B3GAT2: variants seen among roughly 807,000 people sequenced by gnomAD.
B3GAT2 encodes galactosylgalactosylxylosylprotein 3-beta-glucuronosyltransferase 2.
A neutral mutation model predicts 27.8 loss-of-function variants in B3GAT2; 26 were observed. The ratio of observed to expected loss-of-function variants is 0.93; its 90% confidence interval spans 0.68 to 1.30. The LOEUF (loss-of-function observed/expected upper bound fraction) is 1.30. B3GAT2 is among the 50% of genes most tolerant of loss of function. B3GAT2 has a pLI of 0.00. For missense variants in B3GAT2, 458 were observed against 459.0 expected, an observed-to-expected ratio of 1.00 and a Z score of 0.02; for synonymous variants, 218 against 195.1, an observed-to-expected ratio of 1.12 and a Z score of -0.98.
intron 1 of B3GAT2, among the ~76,000 whole-genome samples, chr6:70,950,070 G>T (rs1413543927): frequency 1.3e-5 from 2 of 151,740 alleles, no homozygotes; most frequent in African/African-American, 4.8e-5. Context: ...GGGGGTTGGG[G>T]GGAGGGAGAG....
At chr6:70,866,624 G>A (rs1313215431) in intron 2 of B3GAT2, among the ~76,000 whole-genome samples, 2 of 152,052 alleles carry the variant, frequency 1.3e-5, no homozygotes, top group African/African-American at 4.8e-5. Flanking sequence ...AACACATAAT[G>A]ATAGAAACTA....
chr6:70,933,776 G>C (rs949675630), intron 1 of B3GAT2, among the ~76,000 whole-genome samples: 3 of 152,208 alleles, frequency 2.0e-5, no homozygotes, highest in Admixed American at 2.0e-4. Context: ...TACAGCCACA[G>C]TAGCTAGGTG....
chr6:70,890,178 T>C (rs780383141), intron 2 of B3GAT2, among the ~76,000 whole-genome samples: 6 of 152,106 alleles, frequency 3.9e-5, no homozygotes, highest in Non-Finnish European at 7.4e-5. Context: ...ACGGAATTCA[T>C]CATTCATCCA....
Position 70,865,284 on chromosome 6 carries a change from A to G in B3GAT2, c.737-3306T>C, listed in dbSNP as rs570769147. On this transcript the variant is annotated intron_variant, in intron 2 of 3. Transcript: ENST00000230053. The stretch of plus-strand genomic sequence containing the variant: ...TGGGACTACAGACGTGGGCCTGGCT[A>G]ATTTTGTATTTTTAGCAGAGACGGG... Among the ~76,000 whole-genome samples the G allele has an allele frequency of 3.9e-5, 6 of 151,986 alleles. No homozygotes were observed. In the South Asian group the frequency reaches 1.0e-3, roughly 26 times the overall value.
intron 2 of B3GAT2, among the ~76,000 whole-genome samples, chr6:70,870,525 AAAACTT>A (rs1771917056): frequency 6.6e-6 from 1 of 152,048 alleles, no homozygotes; most frequent in South Asian, 2.1e-4. Context: ...CATGTACCCT[AAAACTT>A]AAAGTATAAT....
intron 1 of B3GAT2, among the ~76,000 whole-genome samples, chr6:70,938,551 C>G (rs1042435455): frequency 1.3e-5 from 2 of 150,704 alleles, no homozygotes; most frequent in Non-Finnish European, 3.0e-5. Flanking sequence ...GGTACCAAAA[C>G]AGAGATATAG....
intron 1 of B3GAT2, among the ~76,000 whole-genome samples, chr6:70,916,429 C>A (rs1433125524): frequency 2.6e-5 from 4 of 152,170 alleles, no homozygotes; most frequent in African/African-American, 9.7e-5. Flanking sequence ...GAACTTCCAA[C>A]ACGATGTTGA....
chr6:70,871,216 TTTTTTG>T (rs763361876), intron 2 of B3GAT2, among the ~76,000 whole-genome samples: 28,861 of 116,120 alleles, frequency 0.25, 2,801 homozygotes, highest in Non-Finnish European at 0.31. Flanking sequence ...CTGTTTTTTT[TTTTTTG>T]TTTTTTTTTT....
chr6:70,914,841 T>C (rs1295376175), intron 1 of B3GAT2, among the ~76,000 whole-genome samples: 1 of 152,214 alleles, frequency 6.6e-6, no homozygotes, highest in East Asian at 1.9e-4. Context: ...GTCTTTGCTA[T>C]TGTAAATAGT....
intron 2 of B3GAT2, among the ~76,000 whole-genome samples, chr6:70,886,585 G>T (rs1772190960): frequency 6.6e-6 from 1 of 151,970 alleles, no homozygotes; most frequent in Admixed American, 6.6e-5. Flanking sequence ...CTTCAGCCCT[G>T]AAAGGCCTCT....
chr6:70,946,044 G>T (rs370357273), intron 1 of B3GAT2, among the ~76,000 whole-genome samples: 6 of 151,938 alleles, frequency 3.9e-5, no homozygotes, highest in African/African-American at 1.5e-4. Flanking sequence ...CCACCACCAG[G>T]CCTGCCCTAA....
At chr6:70,896,324 G>A (rs77675471) in intron 1 of B3GAT2, among the ~76,000 whole-genome samples, 434 of 152,226 alleles carry the variant, frequency 2.9e-3, no homozygotes, top group Non-Finnish European at 5.3e-3. Context: ...CCCTAAGAAC[G>A]ACTATATGCT....
At chr6:70,903,132 T>G (rs1357160187) in intron 1 of B3GAT2, among the ~76,000 whole-genome samples, 1 of 151,990 alleles carries the variant, frequency 6.6e-6, no homozygotes, top group Non-Finnish European at 1.5e-5. Flanking sequence ...ATATACCATT[T>G]TTATTAACTA....
Position 70,940,434 on chromosome 6 carries a change from T to C in B3GAT2, c.591+15405A>G, listed in dbSNP as rs112797609. On this transcript the variant is annotated intron_variant, in intron 1 of 3. Coordinates refer to ENST00000230053, the MANE Select transcript of B3GAT2 (RefSeq NM_080742.3). ...CCAACAGGTGCTGGTCAGAAGAATA[T>C]TCCTAACCTTCCCAGCCCAGGAAAT... Among the ~76,000 whole-genome samples the C allele has an allele frequency of 8.5e-3, 1,294 of 152,130 alleles. 9 individuals are homozygous for C. Among genetic ancestry groups the C allele is most frequent in the African/African-American group, 0.014 (571 of 41,516 alleles).
intron 1 of B3GAT2, among the ~76,000 whole-genome samples, 200 bp downstream of exon 1, chr6:70,955,639 C>G (rs542393072): frequency 1.3e-5 from 2 of 152,246 alleles, no homozygotes; most frequent in African/African-American, 4.8e-5. Flanking sequence ...TCCTCTCACA[C>G]ACAGCCCCTC....
Position 70,956,477 on chromosome 6 carries a change from A to G in B3GAT2, c.-48T>C. ...GGACACCCCAGAGAGGGGCGAGCCGAGGGACCCCAGTGCGCAGCTTGGACA... is the reference window on the plus strand; with the variant it reads ...GGACACCCCAGAGAGGGGCGAGCCGGGGGACCCCAGTGCGCAGCTTGGACA... On this transcript the variant is annotated 5_prime_UTR_variant, in exon 1 of 4. Coordinates refer to ENST00000230053, the MANE Select transcript of B3GAT2 (RefSeq NM_080742.3). The G allele has an allele frequency of 6.5e-7, 1 of 1,548,582 alleles. No homozygotes were observed. The highest frequency in any genetic ancestry group is 8.7e-7 in the Non-Finnish European group (1 of 1,146,244).
At chr6:70,930,777 GATTCC>G in intron 1 of B3GAT2, among the ~76,000 whole-genome samples, 1 of 152,282 alleles carries the variant, frequency 6.6e-6, no homozygotes, top group East Asian at 1.9e-4. Flanking sequence ...ACAGTGTGGT[GATTCC>G]TCAAGGATCT....
intron 2 of B3GAT2, among the ~76,000 whole-genome samples, chr6:70,888,529 A>G (rs1033996122): frequency 1.3e-5 from 2 of 151,598 alleles, no homozygotes; most frequent in African/African-American, 2.4e-5. Flanking sequence ...ACCTCCTCTC[A>G]CCTCCCAGCC....
intron 1 of B3GAT2, among the ~76,000 whole-genome samples, chr6:70,898,652 C>A (rs548694175): frequency 6.6e-6 from 1 of 152,116 alleles, no homozygotes; most frequent in African/African-American, 2.4e-5. Flanking sequence ...TTGCCCAGAA[C>A]GCTAAATATT....
Sources: allele counts gnomAD v4.1 joint callset (sites outside exome capture counted in the v4.1 genomes callset), GRCh38; gene constraint gnomAD v4.1.1; transcripts MANE v1.5; gene names NCBI Gene and HGNC (gene_info 2026-07-23, HGNC 2026-07-21).